The following LRRK1 variants were observed in gnomAD, a reference collection of about 807,000 sequenced individuals.
LRRK1 encodes the protein leucine-rich repeat serine/threonine-protein kinase 1.
A neutral mutation model predicts 209.1 loss-of-function variants in LRRK1; 113 were observed. The observed-to-expected ratio is 0.54, with a 90% confidence interval of 0.46 to 0.63. LRRK1 has a LOEUF of 0.63. Among genes scored for constraint, LRRK1 ranks in the 30% least tolerant of loss-of-function variants. The pLI is 0.00. For missense variants in LRRK1, 2,284 were observed against 2,632.2 expected (o/e 0.87, Z 2.89); for synonymous variants, 1,144 against 1,099.7 (o/e 1.04, Z -0.80).
intron 29 of LRRK1, 107 bp downstream of exon 29, chr15:101,058,248 C>A (rs1485180387): frequency 2.6e-6 from 3 of 1,157,394 alleles, no homozygotes; most frequent in African/African-American, 3.1e-5. Context: ...ATTTAGCAGA[C>A]GGTAGGGTCC....
chr15:101,053,137 G>C (rs566288624), intron 25 of LRRK1, 49 bp downstream of exon 25: 3 of 1,588,956 alleles, frequency 1.9e-6, no homozygotes, highest in East Asian at 4.5e-5. Flanking sequence ...TATGCTGCCC[G>C]GGTCTAAGCT....
chr15:100,979,434 C>T (rs963670161), intron 3 of LRRK1, among the ~76,000 whole-genome samples: 41 of 152,042 alleles, frequency 2.7e-4, no homozygotes, highest in African/African-American at 9.7e-4. Context: ...GCTGGCAATT[C>T]TAGCCAATGC....
intron 6 of LRRK1, among the ~76,000 whole-genome samples, chr15:101,006,133 A>ACCT (rs1491300562): frequency 1.6e-4 from 25 of 152,320 alleles, no homozygotes; most frequent in African/African-American, 5.8e-4. Flanking sequence ...GAGACCAAAC[A>ACCT]GGGCACCACC....
At position 101,067,173 on chromosome 15, in the gene LRRK1, G is replaced by T. The variant is rs1450421530; in HGVS notation, c.5870+432G>T. The stretch of plus-strand genomic sequence containing the variant: ...ACACCTTGTCATCTCCAAGCCTGGG[G>T]TCTCAGCTCCTGCCCTTCCTGGGCT... On this transcript the variant is annotated intron_variant, in intron 33 of 33. Coordinates refer to ENST00000388948, the MANE Select transcript of LRRK1 (RefSeq NM_024652.6). 3 of 441,338 alleles carry T rather than the reference G, an allele frequency of 6.8e-6. No homozygotes were observed. In the Admixed American group the frequency reaches 7.2e-5, roughly 11 times the overall value. The allele number at this position is 441,338 out of a possible 1,614,324, so 27.3% of individuals were successfully genotyped here. A position where few individuals can be genotyped will look rare whatever the true frequency, so the allele number is the denominator to read the frequency against.
At chr15:100,998,179 C>CAA (rs536380783) in intron 6 of LRRK1, among the ~76,000 whole-genome samples, 21 of 88,838 alleles carry the variant, frequency 2.4e-4, no homozygotes, top group Admixed American at 1.8e-3. Flanking sequence ...GACTCTGTCT[C>CAA]AAAAAAAAAA....
intron 7 of LRRK1, among the ~76,000 whole-genome samples, chr15:101,009,982 C>G (rs1371879164): frequency 6.6e-6 from 1 of 152,164 alleles, no homozygotes. Context: ...AAGCAAGAGT[C>G]AAGAATGTTG....
chr15:101,035,203 TG>T (rs935503277), intron 20 of LRRK1, among the ~76,000 whole-genome samples: 4 of 152,108 alleles, frequency 2.6e-5, no homozygotes, highest in African/African-American at 4.8e-5. Flanking sequence ...TTAAATCCAA[TG>T]TTTTTTTGAT....
chr15:100,982,546 G>A (rs1010118177), intron 3 of LRRK1, among the ~76,000 whole-genome samples: 1 of 152,134 alleles, frequency 6.6e-6, no homozygotes, highest in Non-Finnish European at 1.5e-5. Flanking sequence ...AGAAGGACTG[G>A]AATGAGCAGG....
chr15:101,058,888 G>A (rs1328113675), intron 29 of LRRK1, among the ~76,000 whole-genome samples: 1 of 152,162 alleles, frequency 6.6e-6, no homozygotes, highest in Non-Finnish European at 1.5e-5. Flanking sequence ...GGTGGGAGGC[G>A]CACAGTCGGT....
chr15:100,960,906 A>G (rs986261265), intron 2 of LRRK1, among the ~76,000 whole-genome samples: 18 of 152,114 alleles, frequency 1.2e-4, no homozygotes, highest in Non-Finnish European at 5.9e-5. Context: ...TTTTCCATCT[A>G]ATGAGACAGG....
chr15:100,963,636 G>C (rs756475235), intron 2 of LRRK1, among the ~76,000 whole-genome samples: 1 of 152,200 alleles, frequency 6.6e-6, no homozygotes, highest in Non-Finnish European at 1.5e-5. Context: ...CCTGGCTCGG[G>C]AGTAGTCTTT....
chr15:100,986,989 GAC>G (rs1371552696), intron 4 of LRRK1, among the ~76,000 whole-genome samples: 1 of 152,120 alleles, frequency 6.6e-6, no homozygotes, highest in Non-Finnish European at 1.5e-5. Flanking sequence ...TCCAAAGACT[GAC>G]ACATCCCCAT....
chr15:100,974,627 A>G (rs1231832129), intron 3 of LRRK1, among the ~76,000 whole-genome samples: 1 of 152,216 alleles, frequency 6.6e-6, no homozygotes, highest in Admixed American at 6.5e-5. Context: ...ATCTTGGCTG[A>G]TATTAGGATT....
chr15:101,012,833 G>A (rs1445153178), intron 10 of LRRK1, among the ~76,000 whole-genome samples: 2 of 152,164 alleles, frequency 1.3e-5, no homozygotes, highest in Non-Finnish European at 2.9e-5. Context: ...ACAAGCACAG[G>A]GCAAAGCCAG....
Position 101,064,019 on chromosome 15 carries a change from C to A in LRRK1, c.4914+1329C>A, listed in dbSNP as rs1364298263. ...GGAATAAAGCCTGCTCTGTGCAGGGCCTCCTGGGCAGGGTGTCTGCCCCCT... is the reference window on the plus strand; with the variant it reads ...GGAATAAAGCCTGCTCTGTGCAGGGACTCCTGGGCAGGGTGTCTGCCCCCT... On this transcript the variant is annotated intron_variant, in intron 31 of 33. Coordinates refer to ENST00000388948, the MANE Select transcript of LRRK1 (RefSeq NM_024652.6). Among the ~76,000 whole-genome samples, 7 of 152,234 alleles carry A rather than the reference C, an allele frequency of 4.6e-5. No individual in the cohort carries two copies. The East Asian group carries it at 7.7e-4, about 17-fold the overall frequency.
chr15:101,026,535 G>A (rs1418613129), intron 17 of LRRK1, among the ~76,000 whole-genome samples: 4 of 152,220 alleles, frequency 2.6e-5, no homozygotes, highest in Non-Finnish European at 2.9e-5. Context: ...GGTCCTGATA[G>A]CAGCCTTTGA....
At chr15:101,020,598 A>G (rs530977095) in intron 12 of LRRK1, among the ~76,000 whole-genome samples, 10 of 150,476 alleles carry the variant, frequency 6.6e-5, no homozygotes, top group Non-Finnish European at 1.5e-4. Context: ...CTGGTCTTGA[A>G]CTCCTGACCT....
At chr15:101,007,061 G>A (rs11631397) in intron 6 of LRRK1, among the ~76,000 whole-genome samples, 8,944 of 152,260 alleles carry the variant, frequency 0.059, 384 homozygotes, top group African/African-American at 0.13. Flanking sequence ...TCAAAGACCG[G>A]ACGGAGTGTT....
At chr15:100,973,685 C>T in intron 2 of LRRK1, 119 bp from the exon 3 acceptor site, 1 of 1,053,552 alleles carries the variant, frequency 9.5e-7, no homozygotes, top group Non-Finnish European at 1.2e-6. Context: ...CTCTCTCTTC[C>T]TGAAGCCCCC....
Sources: gnomAD v4.1 joint callset for allele counts (sites outside exome capture counted in the v4.1 genomes callset) on GRCh38, gnomAD v4.1.1 for gene constraint, MANE v1.5 for transcripts, NCBI Gene and HGNC (gene_info 2026-07-23, HGNC 2026-07-21) for gene names.